PHF12: variants seen among roughly 807,000 people sequenced by gnomAD.
The protein encoded by PHF12 is PHD factor 1.
In PHF12, 6 loss-of-function variants were observed where a neutral mutation model predicts 99.8. That is an observed-to-expected ratio of 0.06 (90% CI 0.03 to 0.12). The LOEUF is 0.12. Among genes scored for constraint, PHF12 ranks in the 10% least tolerant of loss-of-function variants. The probability of loss-of-function intolerance (pLI) is 1.00; values close to 1 mark genes in which losing one functional copy is unlikely to be tolerated. For missense variants in PHF12, 954 were observed against 1,300.1 expected, an observed-to-expected ratio of 0.73 and a Z score of 4.09; for synonymous variants, 480 against 514.9, an observed-to-expected ratio of 0.93 and a Z score of 0.92.
rs61203588 is a variant in PHF12, at chr17:28,914,671, CAAAAAAAAAAAAA to C, written c.1135-647_1135-635del. On this transcript the variant is annotated intron_variant, in intron 7 of 14. Coordinates refer to ENST00000332830, the MANE Select transcript of PHF12 (RefSeq NM_001033561.2). ...TGGGTGAAAGAGCGAGACTCCGTCT[CAAAAAAAAAAAAA>C]AAAAAAAAAAAAAAAAAATGCTTGA... Among the ~76,000 whole-genome samples, 64 of 30,352 alleles carry C rather than the reference CAAAAAAAAAAAAA, an allele frequency of 2.1e-3. 1 individual carries two copies. Among genetic ancestry groups the C allele is most frequent in the African/African-American group, 5.2e-3 (55 of 10,580 alleles). 19.9% of individuals were successfully genotyped at this position (30,352 alleles called of 152,430 possible).
At chr17:28,910,456 G>T (rs1168041867) in intron 10 of PHF12, 87 bp from the exon 11 acceptor site, 3 of 1,456,596 alleles carry the variant, frequency 2.1e-6, no homozygotes, top group Non-Finnish European at 1.9e-6. Flanking sequence ...AAATAGTTTG[G>T]CATTTCTAAA....
intron 2 of PHF12, among the ~76,000 whole-genome samples, chr17:28,940,173 T>A (rs2040588317): frequency 6.6e-6 from 1 of 152,368 alleles, no homozygotes; most frequent in African/African-American, 2.4e-5. Flanking sequence ...TTTCACCTTG[T>A]GTCTGTGTTA....
At chr17:28,929,744 G>A (rs1197938193) in intron 2 of PHF12, 3 of 152,148 alleles carry the variant, frequency 2.0e-5, no homozygotes, top group Non-Finnish European at 4.4e-5. Context: ...TGCTTACCAG[G>A]AATCAGGAAA....
Position 28,912,566 on chromosome 17 carries a change from C to A in PHF12, c.2005G>T (p.Val669Leu). The change falls in exon 9 of 15, where the codon GTG becomes TTG. Residue 669 changes from valine to leucine, a missense_variant. Physicochemically the swap from Val to Leu is conservative, Grantham distance 32 (BLOSUM62 1). Coordinates refer to ENST00000332830, the MANE Select transcript of PHF12 (RefSeq NM_001033561.2). The stretch of plus-strand genomic sequence containing the variant: ...CCTGCTGCTTGCGGGGGAGTGAGCA[C>A]CCGGGTGGCGTTTGGGGGTGAGCCC... ...PLGSPPNATR[V>L]LTPPQAAGDG... 3 of 1,614,128 alleles carry A rather than the reference C, an allele frequency of 1.9e-6. No homozygotes were observed. Among genetic ancestry groups the A allele is most frequent in the African/African-American group, 1.3e-5 (1 of 75,046 alleles).
chr17:28,930,393 TGTAGTAA>T (rs534734366), intron 2 of PHF12, among the ~76,000 whole-genome samples: 43 of 152,324 alleles, frequency 2.8e-4, no homozygotes, highest in African/African-American at 9.9e-4. Context: ...ATGCCTGGCA[TGTAGTAA>T]GTACTCAATA....
chr17:28,950,841 G>A lies in PHF12; in HGVS notation c.66+54C>T, dbSNP rs1030849422. On this transcript the variant is annotated intron_variant, in intron 1 of 14. Coordinates refer to ENST00000332830, the MANE Select transcript of PHF12 (RefSeq NM_001033561.2). This position sits in a 1 kb window ranked among gnomAD's most constrained non-coding sequence, Gnocchi z 5.7. ...TTAGGACTGGCTTTGTGGGGCGGAG[G>A]GCGGAGGTTCCCTCCCGGCGCTGGA... 2 of 1,605,006 alleles carry A rather than the reference G, an allele frequency of 1.2e-6. No individual in the cohort carries two copies. The highest frequency in any genetic ancestry group is 1.7e-6 in the Non-Finnish European group (2 of 1,174,532).
intron 2 of PHF12, among the ~76,000 whole-genome samples, chr17:28,943,811 G>A (rs754407306): frequency 6.6e-6 from 1 of 152,142 alleles, no homozygotes; most frequent in Non-Finnish European, 1.5e-5. Flanking sequence ...CCATTAAAAA[G>A]CAATGTAAGT....
chr17:28,927,524 C>T (rs937816711), intron 2 of PHF12, among the ~76,000 whole-genome samples: 3 of 152,214 alleles, frequency 2.0e-5, no homozygotes, highest in African/African-American at 7.2e-5. Flanking sequence ...TGTCAAAACT[C>T]TATTCATCCT....
At chr17:28,925,970 C>T (rs1220733159) in intron 3 of PHF12, 1 of 152,154 alleles carries the variant, frequency 6.6e-6, no homozygotes, top group African/African-American at 2.4e-5. Context: ...TCTAACAGGC[C>T]CTGCTCTAAC....
Position 28,950,536 on chromosome 17 carries a change from T to C in PHF12, c.67-290A>G. On this transcript the variant is annotated intron_variant, in intron 1 of 14. Coordinates refer to ENST00000332830, the MANE Select transcript of PHF12 (RefSeq NM_001033561.2). The surrounding 1 kb of genome is among the most constrained non-coding windows in gnomAD (Gnocchi z 5.7). ...TCTTGCCACTTCCTTGTATGGACAGTGGGGGACTCCAAAGACCCGCTCGGG... is the reference window on the plus strand; with the variant it reads ...TCTTGCCACTTCCTTGTATGGACAGCGGGGGACTCCAAAGACCCGCTCGGG... 2 of 533,062 alleles carry C rather than the reference T, an allele frequency of 3.8e-6. No homozygotes were observed. Among genetic ancestry groups the C allele is most frequent in the East Asian group, 3.2e-5 (1 of 30,936 alleles). 33.0% of individuals were successfully genotyped at this position (533,062 alleles called of 1,614,324 possible). A position where few individuals can be genotyped will look rare whatever the true frequency, so the allele number is the denominator to read the frequency against.
chr17:28,906,282 G>T lies in PHF12; in HGVS notation c.2916C>A (p.Pro972=), dbSNP rs999986110. ...CCTGCAGCAGGCTGGCATCGCCTTT[G>T]GGCTGTTTGGTCGCAAACTCAGTGA... ...FSITEFATKQ[P]KGDASLLQDG... The change falls in exon 15 of 15, where the codon CCC becomes CCA. Residue 972 remains proline (P), a synonymous_variant. Coordinates refer to ENST00000332830, the MANE Select transcript of PHF12 (RefSeq NM_001033561.2). This position sits in a 1 kb window ranked among gnomAD's most constrained non-coding sequence, Gnocchi z 4.2. 3 of 1,614,210 alleles carry T rather than the reference G, an allele frequency of 1.9e-6. No homozygotes were observed. The highest frequency in any genetic ancestry group is 2.5e-6 in the Non-Finnish European group (3 of 1,180,028).
At chr17:28,928,442 TCTCATG>T (rs1475689003) in intron 2 of PHF12, among the ~76,000 whole-genome samples, 1 of 152,192 alleles carries the variant, frequency 6.6e-6, no homozygotes, top group Non-Finnish European at 1.5e-5. Flanking sequence ...TTTTGGCACT[TCTCATG>T]CTTTGCCCAT....
At chr17:28,921,338 A>T (rs897445619) in intron 5 of PHF12, among the ~76,000 whole-genome samples, 19 of 151,158 alleles carry the variant, frequency 1.3e-4, no homozygotes, top group African/African-American at 2.4e-4. Flanking sequence ...CATTAAAAAA[A>T]TTTTTTTTTG....
Position 28,906,451 on chromosome 17 carries a change from G to T in PHF12, c.2747C>A (p.Ala916Asp). ...GCAGGGTCTCCGCTGCGGCCCCTGG[G>T]CCTGGGAACTCATCATGGCTGCCTC... The part of the protein sequence containing the change: ...SEEAAMMSSQ[A>D]QGPQRRPCNC... The change falls in exon 15 of 15, where the codon GCC (alanine) becomes GAC (aspartate). Residue 916 changes from alanine to aspartate, a missense_variant. This residue lies in a region of PHF12 where 136 missense variants were observed against 172.3 expected (regional missense o/e 0.79). Transcript: ENST00000332830. This position sits in a 1 kb window ranked among gnomAD's most constrained non-coding sequence, Gnocchi z 4.2. 1 of 1,613,966 alleles carries T rather than the reference G, an allele frequency of 6.2e-7. No homozygotes were observed. Among genetic ancestry groups the T allele is most frequent in the African/African-American group, 1.3e-5 (1 of 75,066 alleles).
chr17:28,908,074 C>T (rs891155138), intron 12 of PHF12: 1 of 166,008 alleles, frequency 6.0e-6, no homozygotes, highest in African/African-American at 2.4e-5. Context: ...AGCTATCGGT[C>T]TCTAGGACTT....
chr17:28,915,203 G>A (rs1458573245), intron 7 of PHF12, among the ~76,000 whole-genome samples: 4 of 152,182 alleles, frequency 2.6e-5, no homozygotes, highest in Admixed American at 1.3e-4. Context: ...GGGAGGGGGA[G>A]AAGCATGTAA....
At chr17:28,933,061 G>A (rs2040443342) in intron 2 of PHF12, among the ~76,000 whole-genome samples, 3 of 152,180 alleles carry the variant, frequency 2.0e-5, no homozygotes, top group Admixed American at 1.3e-4. Context: ...TGCCTGTCAA[G>A]AAAAAAAGGC....
In PHF12 at chr17:28,905,521, G is replaced by C. The variant is rs1212934202; in HGVS notation, c.*662C>G. On this transcript the variant is annotated 3_prime_UTR_variant, in exon 15 of 15. Coordinates refer to ENST00000332830, the MANE Select transcript of PHF12 (RefSeq NM_001033561.2). ...CGGTTTTTAAAAACATTGAAAAAAT[G>C]TCATCACTAGATGTATTTACACAAA... The C allele has an allele frequency of 6.6e-6, 1 of 152,484 alleles. No individual in the cohort carries two copies. Among genetic ancestry groups the C allele is most frequent in the Non-Finnish European group, 1.5e-5 (1 of 68,024 alleles). 9.4% of individuals were successfully genotyped at this position (152,484 alleles called of 1,614,324 possible). A position where few individuals can be genotyped will look rare whatever the true frequency, so the allele number is the denominator to read the frequency against.
intron 2 of PHF12, among the ~76,000 whole-genome samples, chr17:28,948,514 C>G (rs971769777): frequency 6.6e-6 from 1 of 152,166 alleles, no homozygotes; most frequent in Non-Finnish European, 1.5e-5. Flanking sequence ...ATTTTTGTCC[C>G]AGCAATTTTA....
Sources: gnomAD v4.1 joint callset for allele counts (sites outside exome capture counted in the v4.1 genomes callset) on GRCh38, gnomAD v4.1.1 for gene constraint, gnomAD v4.1.1 regional missense constraint, Gnocchi (gnomAD v3.1) non-coding constraint, MANE v1.5 for transcripts, NCBI Gene and HGNC (gene_info 2026-07-23, HGNC 2026-07-21) for gene names.